OTOF: variants seen among roughly 807,000 people sequenced by gnomAD.
OTOF encodes fer-1-like family member 2.
OTOF carries 218 observed loss-of-function variants against 236.8 expected under a neutral mutation model. The observed-to-expected ratio is 0.92, with a 90% confidence interval of 0.82 to 1.03. The LOEUF (loss-of-function observed/expected upper bound fraction) is 1.03. OTOF is among the 50% of genes least tolerant of loss of function. The pLI, the probability that OTOF is intolerant of heterozygous loss-of-function variation, is 0.00. For missense variants in OTOF, 2,590 were observed against 2,694.4 expected (o/e 0.96, Z 0.86); for synonymous variants, 1,041 against 1,072.5 (o/e 0.97, Z 0.57).
chr2:26,533,673 A>C (rs1667002603), intron 2 of OTOF, among the ~76,000 whole-genome samples: 1 of 151,870 alleles, frequency 6.6e-6, no homozygotes, highest in South Asian at 2.1e-4. Flanking sequence ...CTTCCTTTCT[A>C]TCCAGGCCAC....
chr2:26,497,522 G>A (rs2148074619), intron 8 of OTOF, among the ~76,000 whole-genome samples: 1 of 152,206 alleles, frequency 6.6e-6, no homozygotes, highest in Middle Eastern at 3.4e-3. Context: ...CCCTTTCCAT[G>A]AAAAAGAATA....
chr2:26,503,859 C>G lies in OTOF; in HGVS notation c.510-14G>C. 1 of 1,612,808 alleles carries G rather than the reference C, an allele frequency of 6.2e-7. No individual in the cohort carries two copies. Among genetic ancestry groups the G allele is most frequent in the Non-Finnish European group, 8.5e-7 (1 of 1,178,770 alleles). On this transcript the variant is annotated splice_polypyrimidine_tract_variant and intron_variant, in intron 5 of 46. Transcript: ENST00000272371. Reference sequence around the variant, plus strand: ...CTCCTCCCGGCTCTGTGAGGGGGGCCACCAGAATGAGGTGCAGGGAGAGGG... The same window carrying G: ...CTCCTCCCGGCTCTGTGAGGGGGGCGACCAGAATGAGGTGCAGGGAGAGGG...
At chr2:26,506,322 T>C (rs1364728116) in intron 5 of OTOF, among the ~76,000 whole-genome samples, 1 of 152,238 alleles carries the variant, frequency 6.6e-6, no homozygotes, top group African/African-American at 2.4e-5. Context: ...GTGTTATTCT[T>C]GGAGTCCTTG....
intron 11 of OTOF, among the ~76,000 whole-genome samples, chr2:26,487,133 T>C (rs1421421901): frequency 6.6e-6 from 1 of 152,032 alleles, no homozygotes. Flanking sequence ...TGAGAAGAGG[T>C]TCTCTCGGGA....
At position 26,467,160 on chromosome 2, in the gene OTOF, C is replaced by T; in HGVS notation, c.4301G>A (p.Gly1434Asp). The T allele has an allele frequency of 6.2e-7, 1 of 1,614,118 alleles. No homozygotes were observed. The highest frequency in any genetic ancestry group is 1.3e-5 in the African/African-American group (1 of 75,026). Reference protein sequence around the residue: ...DWLHTFNLLRGKTGDDEDGST... With the variant: ...DWLHTFNLLRDKTGDDEDGST... Reference sequence around the variant, plus strand: ...GCCATCCTCATCATCCCCGGTCTTGCCCCGAAGCAAGTTGAAAGTGTGCAG... The same window carrying T: ...GCCATCCTCATCATCCCCGGTCTTGTCCCGAAGCAAGTTGAAAGTGTGCAG... Residue 1434 changes from glycine to aspartate, a missense_variant, in exon 35 of 47, where the codon GGC becomes GAC. Gly to Asp is a moderately conservative substitution (Grantham distance 94). Coordinates refer to ENST00000272371, the MANE Select transcript of OTOF (RefSeq NM_194248.3).
At position 26,477,541 on chromosome 2, in the gene OTOF, G is replaced by T; in HGVS notation, c.2316-35C>A. 6.3e-7 allele frequency: 1 copy of T among 1,594,062 alleles called. No homozygotes were observed. The highest frequency in any genetic ancestry group is 1.1e-5 in the South Asian group (1 of 89,268). On this transcript the variant is annotated intron_variant, in intron 19 of 46. Coordinates refer to ENST00000272371, the MANE Select transcript of OTOF (RefSeq NM_194248.3). The surrounding 1 kb of genome is among the most constrained non-coding windows in gnomAD (Gnocchi z 4.7). ...GGGCGAGCCGGGGTTTAGCGAGCCT[G>T]ACCAGCAGGGGCTCTGTAGATTCTT...
rs1337721316 is a variant in OTOF at position 26,516,437 on chromosome 2, C to A, written c.490G>T (p.Gly164Ter). The part of the protein sequence containing the change: ...PGSRPSSRPP[G>*]EKSFRRAGRS... ...TGTTACCTCCGGAAGCTCTTCTCTC[C>A]TGGGGGCCGGGAGCTGGGCCGGGAG... Residue 164 changes from glycine (G) to a stop codon, truncating the protein, a stop_gained, in exon 5 of 47, where the codon GGA becomes TGA. Transcript: ENST00000272371. LOFTEE classifies it high-confidence loss of function. 1 of 1,613,876 alleles carries A rather than the reference C, an allele frequency of 6.2e-7. No homozygotes were observed. The highest frequency in any genetic ancestry group is 1.3e-5 in the African/African-American group (1 of 74,926).
chr2:26,457,278 C>A lies in OTOF; in HGVS notation c.*960G>T. On this transcript the variant is annotated 3_prime_UTR_variant, in exon 47 of 47. Transcript: ENST00000272371. This position sits in a 1 kb window ranked among gnomAD's most constrained non-coding sequence, Gnocchi z 4.4. ...AAAACAGCCAACAGAAACCCAGACA[C>A]AGGCAGGGGCAGCACTTGACGGGCC... is the stretch of plus-strand genomic sequence containing the variant. 6.5e-6 allele frequency: 1 copy of A among 153,072 alleles called. No individual in the cohort carries two copies. The highest frequency in any genetic ancestry group is 1.5e-5 in the Non-Finnish European group (1 of 68,598). The allele number at this position is 153,072 out of a possible 1,614,324, so 9.5% of individuals were successfully genotyped here. A position where few individuals can be genotyped will look rare whatever the true frequency, so the allele number is the denominator to read the frequency against.
At chr2:26,536,151 C>T (rs954331734) in intron 2 of OTOF, among the ~76,000 whole-genome samples, 5 of 151,908 alleles carry the variant, frequency 3.3e-5, no homozygotes, top group East Asian at 1.9e-4. Flanking sequence ...GGGAGCAGGC[C>T]GGGTGTGTAA....
At chr2:26,472,876 G>T (rs985018266) in intron 29 of OTOF, among the ~76,000 whole-genome samples, 1 of 152,190 alleles carries the variant, frequency 6.6e-6, no homozygotes, top group Non-Finnish European at 1.5e-5. Context: ...GGAGGCCTGG[G>T]TCTTCTCCAT....
intron 46 of OTOF, among the ~76,000 whole-genome samples, chr2:26,459,276 G>T (rs1231680993): frequency 6.6e-6 from 1 of 152,152 alleles, no homozygotes; most frequent in Admixed American, 6.5e-5. Flanking sequence ...GAGTCGGCTG[G>T]GCGCGGTGGC....
At position 26,552,800 on chromosome 2, in the gene OTOF, C is replaced by T. The variant is rs186200491; in HGVS notation, c.79+5693G>A. On this transcript the variant is annotated intron_variant, in intron 1 of 46. Transcript: ENST00000272371. ...ATATCCGTTAGGACTAAAACAAAAG[C>T]GCAGGGCTGTGTCCACAGCCAGCCA... Among the ~76,000 whole-genome samples the T allele has an allele frequency of 5.3e-3, 807 of 152,234 alleles. 2 individuals carry two copies. Among genetic ancestry groups the T allele is most frequent in the Non-Finnish European group, 8.7e-3 (594 of 68,006 alleles).
rs1664251653 is a variant in OTOF at position 26,457,648 on chromosome 2, T to G, written c.*590A>C. ...TGCTCGTTCATTCTTTTTAAAGCCC[T>G]GGGCACTGACCCATGGTCCTTGGTT... On this transcript the variant is annotated 3_prime_UTR_variant, in exon 47 of 47. Coordinates refer to ENST00000272371, the MANE Select transcript of OTOF (RefSeq NM_194248.3). The surrounding 1 kb of genome is among the most constrained non-coding windows in gnomAD (Gnocchi z 4.4). 4.8e-6 allele frequency: 1 copy of G among 206,708 alleles called. No individual in the cohort carries two copies. The highest frequency in any genetic ancestry group is 9.8e-6 in the Non-Finnish European group (1 of 101,596). The allele number at this position is 206,708 out of a possible 1,614,324, so 12.8% of individuals were successfully genotyped here.
rs115161737 is a variant in OTOF, at chr2:26,536,316, G to A, written c.138+1400C>T. ...AGATGGTGGCAGGTTTAGAAACTGA[G>A]GTCATTGTACAGCCAGGAGGGGGAG... is the stretch of plus-strand genomic sequence containing the variant. On this transcript the variant is annotated intron_variant, in intron 2 of 46. Coordinates refer to ENST00000272371, the MANE Select transcript of OTOF (RefSeq NM_194248.3). Among the ~76,000 whole-genome samples, 414 of 152,310 alleles carry A rather than the reference G, an allele frequency of 2.7e-3. 3 individuals are homozygous for A. Among genetic ancestry groups the A allele is most frequent in the African/African-American group, 9.7e-3 (401 of 41,548 alleles).
At position 26,495,028 on chromosome 2, in the gene OTOF, T is replaced by G; in HGVS notation, c.811A>C (p.Met271Leu). ...ACCTCCACGCACACCACAGGGTCCA[T>G]GTTCAAGCCCACCAGCTGCCGGGCC... ...IEARQLVGLNMDPVVCVEVGD... is the reference protein window; with the variant it reads ...IEARQLVGLNLDPVVCVEVGD... Residue 271 changes from methionine (M) to leucine (L), a missense_variant, in exon 9 of 47, where the codon ATG (methionine) becomes CTG (leucine). Coordinates refer to ENST00000272371, the MANE Select transcript of OTOF (RefSeq NM_194248.3). The G allele has an allele frequency of 1.2e-6, 2 of 1,614,084 alleles. No individual in the cohort carries two copies. The highest frequency in any genetic ancestry group is 1.7e-6 in the Non-Finnish European group (2 of 1,179,972).
chr2:26,519,887 C>T (rs762626604), intron 3 of OTOF, among the ~76,000 whole-genome samples: 20 of 152,286 alleles, frequency 1.3e-4, no homozygotes, highest in South Asian at 2.1e-4. Context: ...CAAAGCAGTC[C>T]GTTTTGTCGT....
intron 2 of OTOF, among the ~76,000 whole-genome samples, chr2:26,532,782 C>T (rs1169336455): frequency 6.6e-6 from 1 of 152,136 alleles, no homozygotes; most frequent in Non-Finnish European, 1.5e-5. Context: ...GTTCTGCATC[C>T]TATCAGCCCC....
chr2:26,502,166 A>G, intron 7 of OTOF, 134 bp downstream of exon 7: 1 of 937,470 alleles, frequency 1.1e-6, no homozygotes, highest in East Asian at 2.6e-5. Context: ...GAAAAGCAGA[A>G]AAGGGTAAGG....
In OTOF at chr2:26,473,471, A is replaced by T; in HGVS notation, c.3505T>A (p.Ser1169Thr). ...TTCTTATAATTGTGGATCAGGGACG[A>T]CTGCACCCCCTTCCCTGCACACTCG... ...DIECAGKGVQ[S>T]SLIHNYKKNP... is the part of the protein sequence containing the mutation. Residue 1169 changes from serine to threonine, a missense_variant, in exon 28 of 47, where the codon TCG becomes ACG. Ser to Thr is a moderately conservative substitution (Grantham distance 58). Transcript: ENST00000272371. This position sits in a 1 kb window ranked among gnomAD's most constrained non-coding sequence, Gnocchi z 7.2. The T allele has an allele frequency of 1.9e-6, 3 of 1,613,240 alleles. No individual in the cohort carries two copies. The highest frequency in any genetic ancestry group is 2.5e-6 in the Non-Finnish European group (3 of 1,179,958).
Sources: gnomAD v4.1 joint callset for allele counts (sites outside exome capture counted in the v4.1 genomes callset) on GRCh38, gnomAD v4.1.1 for gene constraint, Gnocchi (gnomAD v3.1) non-coding constraint, MANE v1.5 for transcripts, NCBI Gene and HGNC (gene_info 2026-07-23, HGNC 2026-07-21) for gene names.